Variants in CRIM1 observed in about 807,000 individuals in gnomAD.
The protein encoded by CRIM1 is cysteine-rich motor neuron 1 protein.
In CRIM1, 32 loss-of-function variants were observed where a neutral mutation model predicts 116.4. The ratio of observed to expected loss-of-function variants is 0.27; its 90% CI spans 0.21 to 0.37. The LOEUF (loss-of-function observed/expected upper bound fraction) is 0.37, where lower values mean the gene tolerates loss of function less well. Ranked by LOEUF, CRIM1 falls within the 10% of genes least tolerant of loss-of-function variation. The pLI, the probability that CRIM1 is intolerant of heterozygous loss-of-function variation, is 1.00. For missense variants in CRIM1, 1,331 were observed against 1,354.8 expected (o/e 0.98, Z 0.28); for synonymous variants, 590 against 509.2 (o/e 1.16, Z -2.13).
chr2:36,393,349 CAT>C (rs1671766702), intron 1 of CRIM1, among the ~76,000 whole-genome samples: 1 of 151,958 alleles, frequency 6.6e-6, no homozygotes, highest in African/African-American at 2.4e-5. Flanking sequence ...TATCTTGAAA[CAT>C]AGTTTTCCTT....
At chr2:36,360,412 C>T (rs1253709386) in intron 1 of CRIM1, among the ~76,000 whole-genome samples, 3 of 152,182 alleles carry the variant, frequency 2.0e-5, no homozygotes, top group Non-Finnish European at 4.4e-5. Flanking sequence ...TGGAACTTAG[C>T]ATTCCATCTT....
At chr2:36,547,696 T>C (rs1667450384) in intron 16 of CRIM1, among the ~76,000 whole-genome samples, 1 of 152,018 alleles carries the variant, frequency 6.6e-6, no homozygotes, top group Non-Finnish European at 1.5e-5. Context: ...TGGAAAGTAA[T>C]AGTAGACAAG....
chr2:36,388,729 C>G (rs1299446433), intron 1 of CRIM1, among the ~76,000 whole-genome samples: 4 of 151,288 alleles, frequency 2.6e-5, no homozygotes, highest in African/African-American at 9.8e-5. Context: ...AGAGTTGTGT[C>G]CCGTAGCCCC....
intron 4 of CRIM1, among the ~76,000 whole-genome samples, chr2:36,443,763 G>A (rs953450168): frequency 6.6e-5 from 10 of 152,190 alleles, no homozygotes; most frequent in African/African-American, 2.4e-4. Context: ...GAGACATCCA[G>A]AATTTGTTCT....
intron 2 of CRIM1, among the ~76,000 whole-genome samples, chr2:36,407,953 T>A (rs1232186739): frequency 6.6e-6 from 1 of 152,164 alleles, no homozygotes; most frequent in East Asian, 1.9e-4. Flanking sequence ...AACTCTTAAC[T>A]CTGAGCTTTG....
chr2:36,463,426 C>G (rs1222308097), intron 4 of CRIM1, among the ~76,000 whole-genome samples: 2 of 152,174 alleles, frequency 1.3e-5, no homozygotes, highest in Admixed American at 6.5e-5. Context: ...CTTTCCTGAT[C>G]TTGACCTCTA....
chr2:36,380,281 C>T (rs377756637), intron 1 of CRIM1, among the ~76,000 whole-genome samples: 41 of 152,288 alleles, frequency 2.7e-4, no homozygotes, highest in African/African-American at 4.6e-4. Flanking sequence ...TATTCTTTGC[C>T]GGCTTCCCTT....
At chr2:36,512,085 T>C (rs1428311029) in intron 9 of CRIM1, among the ~76,000 whole-genome samples, 188 bp from the exon 10 acceptor site, 2 of 152,246 alleles carry the variant, frequency 1.3e-5, no homozygotes, top group Non-Finnish European at 2.9e-5. Flanking sequence ...CTCTCTGCCT[T>C]GGTCATGAGT....
chr2:36,447,380 C>T (rs1263559619), intron 4 of CRIM1, among the ~76,000 whole-genome samples: 1 of 152,174 alleles, frequency 6.6e-6, no homozygotes, highest in Non-Finnish European at 1.5e-5. Flanking sequence ...ATACCACATA[C>T]GTGTTTCAGT....
In CRIM1 at chr2:36,513,585, C is replaced by A. The variant is rs748646981; in HGVS notation, c.1810C>A (p.Leu604Met). ...CTCTGCTTCAGCTGGGCCACCCATC[C>A]TGTCGGGCACTTGTCTCACCGTGGA... is the stretch of plus-strand genomic sequence containing the variant. ...EASASAGPPI[L>M]SGTCLTVDGH... The change falls in exon 11 of 17, where the codon CTG becomes ATG. Residue 604 changes from leucine (L) to methionine (M), a missense_variant. By Grantham distance (15) the Leu-to-Met change is conservative (BLOSUM62 2). This residue lies in a region of CRIM1 where 358 missense variants were observed against 436.1 expected (regional missense o/e 0.82). Coordinates refer to ENST00000280527, the MANE Select transcript of CRIM1 (RefSeq NM_016441.3). 6.2e-7 allele frequency: 1 copy of A among 1,614,178 alleles called. No individual in the cohort carries two copies. Among genetic ancestry groups the A allele is most frequent in the Non-Finnish European group, 8.5e-7 (1 of 1,180,016 alleles).
intron 2 of CRIM1, among the ~76,000 whole-genome samples, chr2:36,418,547 A>T (rs908365866): frequency 6.6e-6 from 1 of 152,170 alleles, no homozygotes; most frequent in African/African-American, 2.4e-5. Flanking sequence ...TCGGCCTCCC[A>T]AAGTGCTGGC....
chr2:36,373,830 G>A (rs772024067), intron 1 of CRIM1, among the ~76,000 whole-genome samples: 1 of 152,184 alleles, frequency 6.6e-6, no homozygotes, highest in African/African-American at 2.4e-5. Flanking sequence ...AGGGTCATGT[G>A]CGTGTCCTGG....
intron 2 of CRIM1, among the ~76,000 whole-genome samples, chr2:36,413,787 A>C (rs941036682): frequency 1.3e-5 from 2 of 152,172 alleles, no homozygotes; most frequent in Non-Finnish European, 2.9e-5. Flanking sequence ...TCTACAGCTG[A>C]AAAGAGAACC....
At position 36,426,285 on chromosome 2, in the gene CRIM1, G is replaced by GT. The variant is rs1485461498; in HGVS notation, c.506-14967dup. Among the ~76,000 whole-genome samples, 7 of 152,174 alleles carry GT rather than the reference G, an allele frequency of 4.6e-5. No homozygotes were observed. In the East Asian group the frequency reaches 1.2e-3, roughly 25 times the overall value. On this transcript the variant is annotated intron_variant, in intron 2 of 16. Coordinates refer to ENST00000280527, the MANE Select transcript of CRIM1 (RefSeq NM_016441.3). Reference sequence around the variant, plus strand: ...TTTCTGGGACAATTATGATCCATCCGTTTTTTATAGGAGGCCCAGTAATGA... The same window carrying GT: ...TTTCTGGGACAATTATGATCCATCCGTTTTTTTATAGGAGGCCCAGTAATGA...
intron 4 of CRIM1, among the ~76,000 whole-genome samples, chr2:36,450,330 G>A (rs1333522839): frequency 6.6e-6 from 1 of 152,072 alleles, no homozygotes; most frequent in Non-Finnish European, 1.5e-5. Context: ...CCCTTCTGTT[G>A]CCACATCACT....
intron 2 of CRIM1, among the ~76,000 whole-genome samples, chr2:36,410,873 A>G (rs747773733): frequency 1.3e-5 from 2 of 152,164 alleles, no homozygotes; most frequent in Non-Finnish European, 2.9e-5. Flanking sequence ...GGCGTCTGCA[A>G]GTATCCTTGA....
chr2:36,373,967 TA>T (rs1670123953), intron 1 of CRIM1, among the ~76,000 whole-genome samples: 1 of 152,210 alleles, frequency 6.6e-6, no homozygotes, highest in African/African-American at 2.4e-5. Flanking sequence ...TTACATAGAT[TA>T]GATACATGTA....
chr2:36,457,470 T>A (rs1405159861), intron 4 of CRIM1, among the ~76,000 whole-genome samples: 1 of 151,760 alleles, frequency 6.6e-6, no homozygotes, highest in Non-Finnish European at 1.5e-5. Flanking sequence ...GGGGGGAGAG[T>A]GTGATCCCCA....
intron 11 of CRIM1, among the ~76,000 whole-genome samples, chr2:36,514,148 TA>T (rs1175744187): frequency 1.3e-5 from 2 of 152,218 alleles, no homozygotes; most frequent in African/African-American, 4.8e-5. Context: ...TTTTATCCCA[TA>T]AAACCTTATC....
Sources: allele counts gnomAD v4.1 joint callset (sites outside exome capture counted in the v4.1 genomes callset), GRCh38; gene constraint gnomAD v4.1.1; regional missense constraint gnomAD v4.1.1; transcripts MANE v1.5; gene names NCBI Gene and HGNC (gene_info 2026-07-23, HGNC 2026-07-21).